Variants in MTA3 observed in about 807,000 individuals in gnomAD.
MTA3 encodes metastasis-associated protein MTA3.
A neutral mutation model predicts 83.5 loss-of-function variants in MTA3; 34 were observed. The ratio of observed to expected loss-of-function variants is 0.41; its 90% CI spans 0.31 to 0.54. The LOEUF is 0.54. MTA3 is among the 20% of genes least tolerant of loss of function. The pLI is 0.33. For missense variants in MTA3, 761 were observed against 726.4 expected (o/e 1.05, Z -0.55); for synonymous variants, 303 against 252.7 (o/e 1.20, Z -1.89).
rs1343020966 is a variant in MTA3 at position 42,719,066 on chromosome 2, G to C, written c.1604G>C (p.Gly535Ala). Residue 535 changes from glycine to alanine, a missense_variant, in exon 15 of 17, where the codon GGG becomes GCG. Gly to Ala is a moderately conservative substitution (Grantham distance 60, BLOSUM62 0). Transcript: ENST00000405094. ...AGGAAGCCTTTGGCATGTATCATTG[G>C]GTATTTAGGTGGGTATTTTCTAATA... ...STRKPLACII[G>A]YLEIHPAKKP... is the part of the protein sequence containing the mutation. 5.4e-5 allele frequency: 83 copies of C among 1,548,334 alleles called. No individual in the cohort carries two copies. The highest frequency in any genetic ancestry group is 6.9e-5 in the Non-Finnish European group (79 of 1,145,172).
chr2:42,624,134 C>T lies in MTA3; in HGVS notation c.317+14550C>T, dbSNP rs536381716. ...TTGGTTGTTGCTTTTTAGGATGTTA[C>T]TGGAAGTCAATTATTGCCTAGTGAT... On this transcript the variant is annotated intron_variant, in intron 4 of 16. Transcript: ENST00000405094. 3.9e-5 allele frequency among the ~76,000 whole-genome samples: 6 copies of T among 152,208 alleles called. No individual in the cohort carries two copies. In the South Asian group the frequency reaches 6.2e-4, roughly 16 times the overall value.
intron 11 of MTA3, among the ~76,000 whole-genome samples, chr2:42,700,444 T>A (rs1693762321): frequency 1.3e-5 from 2 of 152,238 alleles, no homozygotes; most frequent in African/African-American, 4.8e-5. Flanking sequence ...CTTGTTTTCC[T>A]TTTGTGATTA....
chr2:42,536,121 A>C (rs113208028), intron 2 of MTA3, among the ~76,000 whole-genome samples: 2 of 146,136 alleles, frequency 1.4e-5, no homozygotes, highest in African/African-American at 4.9e-5. Context: ...CTCTCTCTCA[A>C]AAAAAAAAAA....
chr2:42,527,650 A>G (rs1675777484), intron 2 of MTA3, among the ~76,000 whole-genome samples: 1 of 152,082 alleles, frequency 6.6e-6, no homozygotes, highest in Non-Finnish European at 1.5e-5. Flanking sequence ...AAAGTTTAAT[A>G]ATTTTTTTAA....
rs575881819 is a variant in MTA3 at position 42,756,434 on chromosome 2, A to C, written c.*3035A>C. 1.0e-6 allele frequency: 1 copy of C among 981,298 alleles called. No individual in the cohort carries two copies. Among genetic ancestry groups the C allele is most frequent in the African/African-American group, 1.7e-5 (1 of 57,234 alleles). The allele number at this position is 981,298 out of a possible 1,614,324, so 60.8% of individuals were successfully genotyped here. ...CGACCCACCGGGTCAGTCCCCTGCC[A>C]CTCAGAGCAGAGCAGGGGGCTGAGG... On this transcript the variant is annotated 3_prime_UTR_variant, in exon 17 of 17. Transcript: ENST00000405094.
intron 16 of MTA3, among the ~76,000 whole-genome samples, chr2:42,727,820 T>C (rs1028017086): frequency 6.6e-6 from 1 of 152,236 alleles, no homozygotes; most frequent in African/African-American, 2.4e-5. Context: ...TTTTAATTTT[T>C]TGTGGATACA....
At chr2:42,592,525 A>G (rs1681139229) in intron 3 of MTA3, among the ~76,000 whole-genome samples, 1 of 152,204 alleles carries the variant, frequency 6.6e-6, no homozygotes, top group Admixed American at 6.5e-5. Flanking sequence ...TTGAGGCTGC[A>G]GTGAGCTGTG....
intron 14 of MTA3, 46 bp downstream of exon 14, chr2:42,709,142 C>G (rs532440478): frequency 6.6e-7 from 1 of 1,524,872 alleles, no homozygotes; most frequent in African/African-American, 1.4e-5. Context: ...TGCTTCTGAC[C>G]ATTTTCTCTT....
At chr2:42,594,940 A>G (rs1319535756) in intron 3 of MTA3, among the ~76,000 whole-genome samples, 1 of 145,892 alleles carries the variant, frequency 6.9e-6, no homozygotes. Context: ...TTTTTAGTAG[A>G]GATGGGGTTT....
chr2:42,625,746 C>CAA (rs58956321), intron 4 of MTA3, among the ~76,000 whole-genome samples: 25 of 51,158 alleles, frequency 4.9e-4, no homozygotes, highest in Admixed American at 1.1e-3. Flanking sequence ...GACTCCATCT[C>CAA]AAAAAAAAAA....
intron 16 of MTA3, among the ~76,000 whole-genome samples, chr2:42,728,372 G>A (rs899064068): frequency 1.3e-5 from 2 of 152,142 alleles, no homozygotes; most frequent in African/African-American, 4.8e-5. Flanking sequence ...CCAAATCTTG[G>A]CTACTGTGAA....
At chr2:42,619,568 A>T (rs941316787) in intron 4 of MTA3, among the ~76,000 whole-genome samples, 18 of 152,242 alleles carry the variant, frequency 1.2e-4, no homozygotes, top group Non-Finnish European at 2.5e-4. Flanking sequence ...ATATATCATT[A>T]CAATATTTGA....
intron 3 of MTA3, among the ~76,000 whole-genome samples, chr2:42,591,619 T>G (rs1001910022): frequency 7.0e-6 from 1 of 143,448 alleles, no homozygotes; most frequent in Non-Finnish European, 1.5e-5. Context: ...ATCCTTATTC[T>G]ATAAGCTTTT....
At chr2:42,696,081 T>C (rs1261369709) in intron 10 of MTA3, among the ~76,000 whole-genome samples, 1 of 152,184 alleles carries the variant, frequency 6.6e-6, no homozygotes, top group Non-Finnish European at 1.5e-5. Flanking sequence ...GGCATTATTT[T>C]CCTTGCATTT....
chr2:42,542,183 G>A (rs1676549469), intron 2 of MTA3, among the ~76,000 whole-genome samples: 1 of 152,200 alleles, frequency 6.6e-6, no homozygotes, highest in Non-Finnish European at 1.5e-5. Context: ...ACCCATAGGA[G>A]TCAGGGGTCT....
At position 42,640,730 on chromosome 2, in the gene MTA3, C is replaced by T. The variant is rs114161030; in HGVS notation, c.381+494C>T. ...AGTTAACAAGTTGAGATAGAGCATA[C>T]GCTTCATGGAAAGGAGGAAATTTTT... is the stretch of plus-strand genomic sequence containing the variant. On this transcript the variant is annotated intron_variant, in intron 5 of 16. Transcript: ENST00000405094. Among the ~76,000 whole-genome samples, 675 of 152,198 alleles carry T rather than the reference C, an allele frequency of 4.4e-3. 7 individuals carry two copies. Among genetic ancestry groups the T allele is most frequent in the African/African-American group, 0.015 (639 of 41,514 alleles).
chr2:42,557,849 T>C (rs1475844159), intron 2 of MTA3, among the ~76,000 whole-genome samples: 2 of 152,158 alleles, frequency 1.3e-5, no homozygotes, highest in African/African-American at 2.4e-5. Flanking sequence ...CTAGTCTCTA[T>C]TCCTCAGTCT....
At chr2:42,585,287 C>T (rs1326428250) in intron 3 of MTA3, among the ~76,000 whole-genome samples, 4 of 151,746 alleles carry the variant, frequency 2.6e-5, no homozygotes, top group African/African-American at 2.4e-5. Context: ...GGGGTTTCTC[C>T]ATGTTGGTCA....
chr2:42,617,301 A>C (rs1203395287), intron 4 of MTA3, among the ~76,000 whole-genome samples: 1 of 152,212 alleles, frequency 6.6e-6, no homozygotes, highest in Non-Finnish European at 1.5e-5. Context: ...ACTTGATCTT[A>C]CAGAACTTCT....
Sources: allele counts gnomAD v4.1 joint callset (sites outside exome capture counted in the v4.1 genomes callset), GRCh38; gene constraint gnomAD v4.1.1; transcripts MANE v1.5; gene names NCBI Gene and HGNC (gene_info 2026-07-23, HGNC 2026-07-21).